The following PNPT1 variants were observed in gnomAD, a reference collection of about 807,000 sequenced individuals.
PNPT1 encodes polyribonucleotide nucleotidyltransferase 1, also known as polyribonucleotide nucleotidyltransferase 1, mitochondrial.
In PNPT1, 53 loss-of-function variants were observed where a neutral mutation model predicts 119.5. The ratio of observed to expected loss-of-function variants is 0.44; its 90% CI spans 0.36 to 0.56. PNPT1 has a LOEUF of 0.56. Among genes scored for constraint, PNPT1 ranks in the 20% least tolerant of loss-of-function variants. The probability of loss-of-function intolerance (pLI) is 0.00; values close to 1 mark genes in which losing one functional copy is unlikely to be tolerated. For missense variants in PNPT1, 948 were observed against 938.5 expected (o/e 1.01, Z -0.13); for synonymous variants, 357 against 322.1 (o/e 1.11, Z -1.16).
chr2:55,689,614 CTA>C (rs1697526587), intron 1 of PNPT1, among the ~76,000 whole-genome samples: 2 of 152,210 alleles, frequency 1.3e-5, no homozygotes, highest in African/African-American at 2.4e-5. Context: ...TCACCAAAGA[CTA>C]TGTTTCCATG....
chr2:55,671,916 T>C, intron 10 of PNPT1, 79 bp downstream of exon 10: 1 of 1,007,812 alleles, frequency 9.9e-7, no homozygotes, highest in Non-Finnish European at 1.5e-6. Context: ...GGACTAGCAT[T>C]CATAAAGAAA....
At chr2:55,692,077 G>T (rs1572841971) in intron 1 of PNPT1, among the ~76,000 whole-genome samples, 1 of 151,636 alleles carries the variant, frequency 6.6e-6, no homozygotes, top group East Asian at 1.9e-4. Context: ...TAAAGACGGG[G>T]TTTCACCATT....
chr2:55,667,043 T>A lies in PNPT1; in HGVS notation c.1124A>T (p.Asp375Val), dbSNP rs1210273696. The change falls in exon 13 of 28, where the codon GAT (aspartate) becomes GTT (valine). Residue 375 changes from aspartate (D) to valine (V), a missense_variant. Transcript: ENST00000447944. ...TGATCCATGAAGGGTTTTAAACATA[T>A]CTACCTCACAACTTACATTCCTAAG... ...TSLRNVSCEVDMFKTLHGSAL... is the reference protein window; with the variant it reads ...TSLRNVSCEVVMFKTLHGSAL... 2 of 1,611,742 alleles carry A rather than the reference T, an allele frequency of 1.2e-6. No individual in the cohort carries two copies. The highest frequency in any genetic ancestry group is 1.7e-6 in the Non-Finnish European group (2 of 1,179,090).
intron 7 of PNPT1, among the ~76,000 whole-genome samples, chr2:55,680,347 C>T (rs12615063): frequency 0.15 from 22,192 of 150,568 alleles, 3,051 homozygotes; most frequent in African/African-American, 0.37. Context: ...TTTTATATTG[C>T]ATGATTATGA....
At chr2:55,670,995 C>CT (rs147212910) in intron 11 of PNPT1, among the ~76,000 whole-genome samples, 12,803 of 151,494 alleles carry the variant, frequency 0.085, 651 homozygotes, top group South Asian at 0.14. Flanking sequence ...TCTATTATTT[C>CT]TTTTAATGCT....
rs117172394 is a variant in PNPT1, at chr2:55,664,234, T to A, written c.1177-2208A>T. 2.8e-4 allele frequency among the ~76,000 whole-genome samples: 43 copies of A among 152,296 alleles called. No homozygotes were observed. The East Asian group carries it at 7.7e-3, about 27-fold the overall frequency. ...GATGTAACTGATAAGACAACTGCAA[T>A]ATAAAGGATAGAAGGGGCAGGAAAT... is the stretch of plus-strand genomic sequence containing the variant. On this transcript the variant is annotated intron_variant, in intron 13 of 27. Coordinates refer to ENST00000447944, the MANE Select transcript of PNPT1 (RefSeq NM_033109.5).
chr2:55,656,487 TAA>T (rs1696393172), intron 15 of PNPT1, 116 bp from the exon 16 acceptor site: 8 of 930,646 alleles, frequency 8.6e-6, no homozygotes, highest in African/African-American at 5.0e-5. Flanking sequence ...TTTTGTTTTT[TAA>T]AAAAGTACAT....
chr2:55,636,694 G>T (rs1695686325), intron 27 of PNPT1, among the ~76,000 whole-genome samples: 1 of 152,190 alleles, frequency 6.6e-6, no homozygotes, highest in African/African-American at 2.4e-5. Context: ...CATAGTGAAT[G>T]ATCCTAGACA....
intron 27 of PNPT1, 75 bp from the exon 28 acceptor site, chr2:55,636,467 T>C: frequency 6.8e-7 from 1 of 1,461,212 alleles, no homozygotes; most frequent in Non-Finnish European, 9.4e-7. Flanking sequence ...ACATTTAAAT[T>C]TACATGGTCC....
chr2:55,657,522 G>A (rs1006585375), intron 15 of PNPT1, among the ~76,000 whole-genome samples: 12 of 151,314 alleles, frequency 7.9e-5, no homozygotes, highest in African/African-American at 2.9e-4. Context: ...CAAGTAGCTG[G>A]GATTACAGGC....
At chr2:55,666,967 A>G in intron 13 of PNPT1, 24 bp downstream of exon 13, 1 of 1,470,132 alleles carries the variant, frequency 6.8e-7, no homozygotes, top group East Asian at 2.3e-5. Flanking sequence ...TTAGCAAATA[A>G]TTAGAGCTTT....
At chr2:55,688,226 G>T (rs913754127) in intron 1 of PNPT1, among the ~76,000 whole-genome samples, 2 of 151,794 alleles carry the variant, frequency 1.3e-5, no homozygotes, top group African/African-American at 4.8e-5. Flanking sequence ...TTTTTGTATG[G>T]ATGAGTTCTT....
chr2:55,648,025 G>A (rs1696055698), intron 18 of PNPT1, among the ~76,000 whole-genome samples: 2 of 152,026 alleles, frequency 1.3e-5, no homozygotes, highest in African/African-American at 4.8e-5. Flanking sequence ...ATTATCCGTT[G>A]GTTTGCTTTT....
At chr2:55,637,456 C>A (rs1382364997) in intron 27 of PNPT1, 96 bp downstream of exon 27, 13 of 1,147,172 alleles carry the variant, frequency 1.1e-5, no homozygotes, top group Non-Finnish European at 1.6e-5. Flanking sequence ...TAAAAAACTT[C>A]ATAGATGGTG....
chr2:55,671,275 G>T, intron 11 of PNPT1, 44 bp downstream of exon 11: 1 of 1,138,614 alleles, frequency 8.8e-7, no homozygotes, highest in Admixed American at 2.7e-5. Flanking sequence ...CCTTATTAAA[G>T]CTGCCCTCAG....
rs540215508 is a variant in PNPT1, at chr2:55,634,073, A to G, written c.*2164T>C. ...ATAATAGTCGATATCAAGTGTAGAA[A>G]GCAAATAAATTTAATCTTTCATTTT... On this transcript the variant is annotated 3_prime_UTR_variant, in exon 28 of 28. Coordinates refer to ENST00000447944, the MANE Select transcript of PNPT1 (RefSeq NM_033109.5). Among the ~76,000 whole-genome samples the G allele has an allele frequency of 1.8e-4, 27 of 152,352 alleles. No homozygotes were observed. Among genetic ancestry groups the G allele is most frequent in the Admixed American group, 1.7e-3 (26 of 15,298 alleles).
rs1697473964 is a variant in PNPT1, at chr2:55,688,136, T to C, written c.162-431A>G. On this transcript the variant is annotated intron_variant, in intron 1 of 27. Transcript: ENST00000447944. ...ACAGCTCACTGCAACCTAGAACACC[T>C]AGGCTCAAGCGATCCTCCAACTCAG... is the stretch of plus-strand genomic sequence containing the variant. 2.0e-5 allele frequency among the ~76,000 whole-genome samples: 3 copies of C among 151,748 alleles called. No homozygotes were observed. In the South Asian group the frequency reaches 6.2e-4, roughly 32 times the overall value.
intron 19 of PNPT1, among the ~76,000 whole-genome samples, chr2:55,646,931 C>G (rs908625004): frequency 6.6e-6 from 1 of 151,942 alleles, no homozygotes; most frequent in Admixed American, 6.6e-5. Flanking sequence ...CTCTGCCTCC[C>G]GGGTTCAAGC....
intron 12 of PNPT1, 53 bp from the exon 13 acceptor site, chr2:55,667,146 C>T: frequency 7.3e-7 from 1 of 1,372,970 alleles, no homozygotes; most frequent in Non-Finnish European, 1.0e-6. Flanking sequence ...ACAGAAAAAT[C>T]ACATGTCTTT....
Sources: allele counts gnomAD v4.1 joint callset (sites outside exome capture counted in the v4.1 genomes callset), GRCh38; gene constraint gnomAD v4.1.1; transcripts MANE v1.5; gene names NCBI Gene and HGNC (gene_info 2026-07-23, HGNC 2026-07-21).